The following VEPH1 variants were observed in gnomAD, a reference collection of about 807,000 sequenced individuals.
VEPH1 encodes the protein ventricular zone expressed PH domain containing 1, also known as ventricular zone-expressed PH domain-containing protein homolog 1.
VEPH1 carries 80 observed loss-of-function variants against 85.2 expected under a neutral mutation model. The observed-to-expected ratio is 0.94, with a 90% CI of 0.78 to 1.13. The LOEUF (loss-of-function observed/expected upper bound fraction) is 1.13. Among genes scored for constraint, VEPH1 ranks in the 50% most tolerant of loss-of-function variants. The pLI is 0.00. For missense variants in VEPH1, 955 were observed against 980.5 expected, an observed-to-expected ratio of 0.97 and a Z score of 0.35; for synonymous variants, 297 against 348.0, an observed-to-expected ratio of 0.85 and a Z score of 1.63.
rs75946693 is a variant in VEPH1 at position 157,403,744 on chromosome 3, A to G, written c.906+10137T>C. ...CTGTTAAAGGTTACTGATTATTTAC[A>G]TAAAAACAAGTGGGTCTTGCAAAGA... On this transcript the variant is annotated intron_variant, in intron 6 of 13. Transcript: ENST00000362010. 3.0e-3 allele frequency among the ~76,000 whole-genome samples: 456 copies of G among 152,306 alleles called. 8 individuals carry two copies. In the East Asian group the frequency reaches 0.044, roughly 15 times the overall value.
chr3:157,420,553 A>G (rs1049971612), intron 5 of VEPH1, among the ~76,000 whole-genome samples: 9 of 152,206 alleles, frequency 5.9e-5, no homozygotes, highest in African/African-American at 4.8e-5. Flanking sequence ...ATATATTCCA[A>G]AAACCATAGT....
intron 11 of VEPH1, among the ~76,000 whole-genome samples, chr3:157,294,431 T>C (rs540065578): frequency 3.9e-5 from 6 of 152,364 alleles, no homozygotes; most frequent in Non-Finnish European, 7.3e-5. Context: ...CTATTTGGTT[T>C]CTTGTTTGTT....
intron 6 of VEPH1, among the ~76,000 whole-genome samples, chr3:157,409,101 T>C (rs904517943): frequency 3.9e-5 from 6 of 152,164 alleles, no homozygotes; most frequent in Non-Finnish European, 1.5e-5. Flanking sequence ...TCAAGCATTT[T>C]TTTTTAATAT....
intron 4 of VEPH1, among the ~76,000 whole-genome samples, chr3:157,439,845 G>C (rs1733982557): frequency 6.6e-6 from 1 of 152,128 alleles, no homozygotes; most frequent in Non-Finnish European, 1.5e-5. Context: ...CCGCCTCCCG[G>C]GTTCACTCCA....
At chr3:157,330,689 G>A (rs1722396277) in intron 9 of VEPH1, among the ~76,000 whole-genome samples, 1 of 152,166 alleles carries the variant, frequency 6.6e-6, no homozygotes, top group Non-Finnish European at 1.5e-5. Context: ...ACGTGCTCCA[G>A]CTGTAGGGAT....
chr3:157,271,172 G>A (rs1714505122), intron 12 of VEPH1, among the ~76,000 whole-genome samples: 1 of 152,120 alleles, frequency 6.6e-6, no homozygotes, highest in South Asian at 2.1e-4. Context: ...TAAGATCCAG[G>A]AAAGAGATTG....
At chr3:157,273,466 T>A (rs1170051129) in intron 12 of VEPH1, among the ~76,000 whole-genome samples, 1 of 152,160 alleles carries the variant, frequency 6.6e-6, no homozygotes, top group Non-Finnish European at 1.5e-5. Context: ...AGATGCTGTC[T>A]GGGCTGAATT....
chr3:157,413,880 C>G lies in VEPH1; in HGVS notation c.906+1G>C. The G allele has an allele frequency of 6.2e-7, 1 of 1,612,832 alleles. No individual in the cohort carries two copies. On this transcript the variant is annotated splice_donor_variant, in intron 6 of 13. Transcript: ENST00000362010. LOFTEE classifies it high-confidence loss of function. ...AATGGAGAGAAAAAAGCCAAACTTA[C>G]TTCATCCACATGCCCAACAGCTCCA...
chr3:157,336,179 G>GTGAA (rs2108623999), intron 9 of VEPH1, among the ~76,000 whole-genome samples: 1 of 152,356 alleles, frequency 6.6e-6, no homozygotes, highest in African/African-American at 2.4e-5. Flanking sequence ...AGTAAAAGCA[G>GTGAA]TGAATGTTAA....
chr3:157,363,168 C>T, intron 9 of VEPH1, 196 bp downstream of exon 9: 2 of 447,726 alleles, frequency 4.5e-6, no homozygotes, highest in East Asian at 7.2e-5. Flanking sequence ...CAAGTAGATT[C>T]AAATGGGAAT....
chr3:157,443,151 A>G, intron 4 of VEPH1: 2 of 759,354 alleles, frequency 2.6e-6, no homozygotes, highest in Non-Finnish European at 2.0e-6. Context: ...CAGTTGAAGG[A>G]AAGACATTGG....
At chr3:157,390,768 G>A (rs1411562178) in intron 6 of VEPH1, among the ~76,000 whole-genome samples, 5 of 152,212 alleles carry the variant, frequency 3.3e-5, no homozygotes, top group Non-Finnish European at 5.9e-5. Flanking sequence ...CCACCAAGCT[G>A]TGGGTGGTGA....
At chr3:157,489,066 C>T (rs1170784440) in intron 2 of VEPH1, 4 of 455,646 alleles carry the variant, frequency 8.8e-6, no homozygotes, top group East Asian at 7.0e-5. Context: ...ACCACCACTG[C>T]TCCATGATGG....
At chr3:157,315,537 A>G (rs1228951670) in intron 10 of VEPH1, among the ~76,000 whole-genome samples, 1 of 152,074 alleles carries the variant, frequency 6.6e-6, no homozygotes, top group African/African-American at 2.4e-5. Context: ...ATTTGGCCCA[A>G]TGCACAAGAG....
intron 9 of VEPH1, among the ~76,000 whole-genome samples, chr3:157,340,509 G>A (rs565801613): frequency 6.6e-6 from 1 of 152,302 alleles, no homozygotes; most frequent in East Asian, 1.9e-4. Flanking sequence ...GCTTGAGTAG[G>A]TAAACAAAGC....
At chr3:157,421,006 C>A (rs1239028466) in intron 5 of VEPH1, among the ~76,000 whole-genome samples, 1 of 152,158 alleles carries the variant, frequency 6.6e-6, no homozygotes, top group African/African-American at 2.4e-5. Flanking sequence ...CAGCCTTTTT[C>A]TGTAAATGGA....
chr3:157,379,732 T>G (rs1728550313), intron 7 of VEPH1, among the ~76,000 whole-genome samples: 1 of 152,178 alleles, frequency 6.6e-6, no homozygotes, highest in Non-Finnish European at 1.5e-5. Flanking sequence ...TTGACACTAG[T>G]CTCAAATGGG....
At chr3:157,442,695 G>A in intron 4 of VEPH1, 1 of 1,614,232 alleles carries the variant, frequency 6.2e-7, no homozygotes, top group Non-Finnish European at 8.5e-7. Context: ...GGTAAATGGT[G>A]AACTGGCGGC....
At chr3:157,272,434 T>TCTTTCTTTCTTC (rs1307606926) in intron 12 of VEPH1, among the ~76,000 whole-genome samples, 3 of 146,974 alleles carry the variant, frequency 2.0e-5, no homozygotes, top group African/African-American at 7.6e-5. Flanking sequence ...TTTCTTTCTT[T>TCTTTCTTTCTTC]CTTTCCTTCT....
Sources: gnomAD v4.1 joint callset for allele counts (sites outside exome capture counted in the v4.1 genomes callset) on GRCh38, gnomAD v4.1.1 for gene constraint, MANE v1.5 for transcripts, NCBI Gene and HGNC (gene_info 2026-07-23, HGNC 2026-07-21) for gene names.